Variants in AHCYL2 observed in about 807,000 individuals in gnomAD.
AHCYL2 encodes the protein adenosylhomocysteinase like 2, also known as S-adenosylhomocysteine hydrolase-like protein 2.
A neutral mutation model predicts 81.4 loss-of-function variants in AHCYL2; 28 were observed. The observed-to-expected ratio is 0.34, with a 90% CI of 0.25 to 0.47. The LOEUF (loss-of-function observed/expected upper bound fraction) is 0.47. AHCYL2 is among the 20% of genes least tolerant of loss of function. The pLI, the probability that AHCYL2 is intolerant of heterozygous loss-of-function variation, is 1.00. For synonymous variants in AHCYL2, 272 were observed against 290.2 expected (o/e 0.94, Z 0.64); for missense variants, 551 against 785.1 (o/e 0.70, Z 3.56).
chr7:129,318,787 ATT>A (rs57502201), intron 1 of AHCYL2, among the ~76,000 whole-genome samples: 3 of 147,548 alleles, frequency 2.0e-5, no homozygotes, highest in African/African-American at 4.9e-5. Flanking sequence ...AATAGACTGT[ATT>A]TTTTTTTTTT....
chr7:129,409,699 TTCTTTAGAGCTCCGACCAAAGG>T (rs1796474349), intron 11 of AHCYL2, among the ~76,000 whole-genome samples, 153 bp downstream of exon 11: 1 of 152,214 alleles, frequency 6.6e-6, no homozygotes, highest in Admixed American at 6.5e-5. Context: ...TTCTTCCTAA[TTCTTTAGAGCTCCGACCAAAGG>T]TATACGATTA....
chr7:129,358,520 C>T (rs957565109), intron 1 of AHCYL2, among the ~76,000 whole-genome samples: 5 of 152,116 alleles, frequency 3.3e-5, no homozygotes, highest in African/African-American at 2.4e-5. Flanking sequence ...TATGATTCCA[C>T]CTATATGAGT....
chr7:129,297,710 A>C (rs1177505280), intron 1 of AHCYL2, among the ~76,000 whole-genome samples: 1 of 152,060 alleles, frequency 6.6e-6, no homozygotes, highest in Non-Finnish European at 1.5e-5. Context: ...TTGATAGGGT[A>C]ATTGAGAGCT....
At chr7:129,328,891 CTAGA>C (rs1798320575) in intron 1 of AHCYL2, among the ~76,000 whole-genome samples, 2 of 152,274 alleles carry the variant, frequency 1.3e-5, no homozygotes. Flanking sequence ...CCTGTTTTGC[CTAGA>C]TAATTTGTTT....
At chr7:129,317,897 AACTATT>A (rs1797881630) in intron 1 of AHCYL2, among the ~76,000 whole-genome samples, 3 of 152,326 alleles carry the variant, frequency 2.0e-5, no homozygotes, top group African/African-American at 4.8e-5. Flanking sequence ...TCAAAGAACT[AACTATT>A]ACTATTCCTC....
Position 129,410,131 on chromosome 7 carries a change from A to G in AHCYL2, c.1366+585A>G, listed in dbSNP as rs1233644232. On this transcript the variant is annotated intron_variant, in intron 11 of 16. Transcript: ENST00000325006. The stretch of plus-strand genomic sequence containing the variant: ...TCCATCTCTAAAATTCAAGACTTCC[A>G]AATTGAGATGAACGATTATTGGGCT... 37 of 1,580,682 alleles carry G rather than the reference A, an allele frequency of 2.3e-5. No individual in the cohort carries two copies. In the Admixed American group the frequency reaches 6.1e-4, roughly 26 times the overall value.
intron 1 of AHCYL2, among the ~76,000 whole-genome samples, chr7:129,340,295 C>T (rs1283846969): frequency 6.8e-6 from 1 of 147,642 alleles, no homozygotes; most frequent in African/African-American, 2.5e-5. Flanking sequence ...AGGCCGGGCG[C>T]GGTGGCTCAC....
In AHCYL2 at chr7:129,379,723, A is replaced by T; in HGVS notation, c.449A>T (p.Gln150Leu). Reference protein sequence around the residue: ...GRRSLSRSISQSSTDSYSSAA... With the variant: ...GRRSLSRSISLSSTDSYSSAA... ...CGCTCTTTGTCTCGTTCCATTTCTC[A>T]GTCATCTACTGACAGCTACAGCTCA... Residue 150 changes from glutamine (Q) to leucine (L), a missense_variant, in exon 2 of 17, where the codon CAG becomes CTG. Around this residue, in one of 2 missense-constraint regions of AHCYL2, gnomAD observed 235 missense variants for 242.1 expected, o/e 0.97. Coordinates refer to ENST00000325006, the MANE Select transcript of AHCYL2 (RefSeq NM_015328.4). 1.2e-6 allele frequency: 2 copies of T among 1,614,126 alleles called. No homozygotes were observed. The highest frequency in any genetic ancestry group is 1.7e-6 in the Non-Finnish European group (2 of 1,180,018).
At chr7:129,322,424 TG>T (rs1798071515) in intron 1 of AHCYL2, among the ~76,000 whole-genome samples, 1 of 150,116 alleles carries the variant, frequency 6.7e-6, no homozygotes, top group African/African-American at 2.5e-5. Flanking sequence ...ACAGGCGCAC[TG>T]CGCCCAGCCA....
intron 1 of AHCYL2, among the ~76,000 whole-genome samples, chr7:129,362,273 C>CTA (rs918701292): frequency 2.0e-5 from 3 of 152,054 alleles, no homozygotes; most frequent in African/African-American, 7.2e-5. Context: ...CTTTAAAAGC[C>CTA]TATAGTCTTT....
intron 1 of AHCYL2, among the ~76,000 whole-genome samples, chr7:129,246,129 G>A (rs1022539408): frequency 1.3e-4 from 20 of 151,772 alleles, no homozygotes; most frequent in Admixed American, 3.9e-4. Flanking sequence ...TGCGATCTTG[G>A]CTCACTGCAA....
rs896917878 is a variant in AHCYL2, at chr7:129,225,578, C to G, written c.363+139C>G. ...GATACCCCTTGTCCCCTTAAACCCA[C>G]TCTCTCAGAGATGCCCCCCAGCCGG... On this transcript the variant is annotated intron_variant, in intron 1 of 16. Coordinates refer to ENST00000325006, the MANE Select transcript of AHCYL2 (RefSeq NM_015328.4). 2.2e-6 allele frequency: 3 copies of G among 1,351,798 alleles called. No homozygotes were observed. The African/African-American group carries it at 4.6e-5, about 21-fold the overall frequency. 83.7% of individuals were successfully genotyped at this position (1,351,798 alleles called of 1,614,324 possible).
Position 129,273,529 on chromosome 7 carries a change from T to C in AHCYL2, c.363+48090T>C, listed in dbSNP as rs553396855. On this transcript the variant is annotated intron_variant, in intron 1 of 16. Transcript: ENST00000325006. The stretch of plus-strand genomic sequence containing the variant: ...TTTTAGTAGAGACGAGGTTTCTCCA[T>C]GATGGTCAGGCTCGTCTCGAACTCC... 7.3e-5 allele frequency among the ~76,000 whole-genome samples: 11 copies of C among 151,632 alleles called. No individual in the cohort carries two copies. The South Asian group carries it at 2.1e-3, about 29-fold the overall frequency.
intron 13 of AHCYL2, among the ~76,000 whole-genome samples, chr7:129,424,507 T>C: frequency 6.6e-6 from 1 of 152,330 alleles, no homozygotes; most frequent in East Asian, 1.9e-4. Flanking sequence ...TGATCATTGT[T>C]TATTTCAAGA....
chr7:129,308,748 A>G (rs1299783430), intron 1 of AHCYL2, among the ~76,000 whole-genome samples: 1 of 152,226 alleles, frequency 6.6e-6, no homozygotes, highest in Non-Finnish European at 1.5e-5. Context: ...AGAAACTATC[A>G]TTACAACTGA....
At chr7:129,404,469 G>A (rs994850073) in intron 7 of AHCYL2, among the ~76,000 whole-genome samples, 3 of 152,166 alleles carry the variant, frequency 2.0e-5, no homozygotes, top group Non-Finnish European at 4.4e-5. Context: ...GAGGTCAGGA[G>A]TTCAAGACCA....
intron 1 of AHCYL2, among the ~76,000 whole-genome samples, chr7:129,317,724 C>T (rs773462044): frequency 3.3e-5 from 5 of 152,168 alleles, no homozygotes; most frequent in African/African-American, 4.8e-5. Context: ...AATAGGTTCT[C>T]TTGAAGCAGA....
Position 129,349,941 on chromosome 7 carries a change from A to C in AHCYL2, c.364-29697A>C, listed in dbSNP as rs115897926. On this transcript the variant is annotated intron_variant, in intron 1 of 16. Transcript: ENST00000325006. ...CTGTTACTTGATTGAAGTCCAGATC[A>C]TAGTTCTTATTTATGAAAAACCAAT... 7.2e-3 allele frequency among the ~76,000 whole-genome samples: 1,095 copies of C among 152,348 alleles called. 11 individuals carry two copies. The highest frequency in any genetic ancestry group is 0.024 in the African/African-American group (1,000 of 41,578).
At chr7:129,277,278 C>CGTTTT (rs35753023) in intron 1 of AHCYL2, among the ~76,000 whole-genome samples, 5 of 135,790 alleles carry the variant, frequency 3.7e-5, no homozygotes, top group Non-Finnish European at 6.4e-5. Context: ...AAGTCTCTCT[C>CGTTTT]TTTTTTTTTT....
Sources: allele counts gnomAD v4.1 joint callset (sites outside exome capture counted in the v4.1 genomes callset), GRCh38; gene constraint gnomAD v4.1.1; regional missense constraint gnomAD v4.1.1; transcripts MANE v1.5; gene names NCBI Gene and HGNC (gene_info 2026-07-23, HGNC 2026-07-21).